The following USP28 variants were observed in gnomAD, a reference collection of about 807,000 sequenced individuals.
The protein encoded by USP28 is ubiquitin specific peptidase 28.
Under a neutral mutation model 145.0 loss-of-function variants are expected in USP28, and 113 were observed. The observed-to-expected ratio is 0.78, with a 90% CI of 0.67 to 0.91. The LOEUF is 0.91. Ranked by LOEUF, USP28 falls within the 40% of genes least tolerant of loss-of-function variation. The probability of loss-of-function intolerance (pLI) is 0.00; values close to 1 mark genes in which losing one functional copy is unlikely to be tolerated. For synonymous variants in USP28, 447 were observed against 450.9 expected, an observed-to-expected ratio of 0.99 and a Z score of 0.11; for missense variants, 1,201 against 1,289.6, an observed-to-expected ratio of 0.93 and a Z score of 1.05.
chr11:113,802,526 TC>T lies in USP28; in HGVS notation c.2862+631del, dbSNP rs142390685. Among the ~76,000 whole-genome samples the T allele has an allele frequency of 9.2e-3, 1,397 of 152,246 alleles. 20 individuals carry two copies. The highest frequency in any genetic ancestry group is 0.031 in the African/African-American group (1,273 of 41,528). On this transcript the variant is annotated intron_variant, in intron 23 of 24. Transcript: ENST00000003302. ...AAGGCAGGCCACCCCTTTACAGTTC[TC>T]CAAAGGACACACATCACATAAACCC...
At chr11:113,817,124 G>A (rs1304267037) in intron 13 of USP28, among the ~76,000 whole-genome samples, 1 of 152,120 alleles carries the variant, frequency 6.6e-6, no homozygotes, top group Non-Finnish European at 1.5e-5. Flanking sequence ...AAAGATTGTT[G>A]CACATGACTG....
At chr11:113,820,694 T>C (rs923639664) in intron 12 of USP28, among the ~76,000 whole-genome samples, 2 of 152,096 alleles carry the variant, frequency 1.3e-5, no homozygotes, top group Non-Finnish European at 2.9e-5. Flanking sequence ...ACACCAGAGA[T>C]GGAATTTCAA....
At chr11:113,803,761 T>C (rs758997845) in intron 22 of USP28, 37 bp downstream of exon 23, 40 of 1,562,734 alleles carry the variant, frequency 2.6e-5, no homozygotes, top group Non-Finnish European at 2.6e-6. Context: ...AACAGCATCC[T>C]GACTAATAAT....
intron 1 of USP28, chr11:113,874,719 C>A (rs760929415): frequency 8.4e-7 from 1 of 1,188,300 alleles, no homozygotes; most frequent in Non-Finnish European, 1.1e-6. Context: ...TTTCTTCATA[C>A]AGACATTAGC....
chr11:113,837,600 TAACA>T (rs1038588159), intron 5 of USP28, among the ~76,000 whole-genome samples: 5 of 152,246 alleles, frequency 3.3e-5, no homozygotes, highest in African/African-American at 1.2e-4. Context: ...CCTGGCTCCC[TAACA>T]ATCAGTTCCT....
rs200122208 is a variant in USP28, at chr11:113,829,175, C to A, written c.1059+22G>T. 9.1e-5 allele frequency: 146 copies of A among 1,607,888 alleles called. 1 individual carries two copies. The African/African-American group carries it at 1.8e-3, about 19-fold the overall frequency. On this transcript the variant is annotated intron_variant, in intron 10 of 24. Coordinates refer to ENST00000003302, the Ensembl canonical transcript of USP28. ...TTAACTGGCTTTGTCACTGGCACAGCAAATAAAGATCTCCAACGTACCTCT... is the reference window on the plus strand; with the variant it reads ...TTAACTGGCTTTGTCACTGGCACAGAAAATAAAGATCTCCAACGTACCTCT...
At position 113,823,175 on chromosome 11, in the gene USP28, C is replaced by T. The variant is rs142898885; in HGVS notation, c.1283+430G>A. Among the ~76,000 whole-genome samples, 148 of 152,238 alleles carry T rather than the reference C, an allele frequency of 9.7e-4. 2 individuals carry two copies. In the East Asian group the frequency reaches 0.025, roughly 26 times the overall value. ...CTTTGTATGCATCAGAAATATTAGC[C>T]CTTTTAATCAGTTAGCACTGCTCTA... On this transcript the variant is annotated intron_variant, in intron 12 of 24. Transcript: ENST00000003302.
At chr11:113,846,816 G>A (rs1316346917) in intron 3 of USP28, among the ~76,000 whole-genome samples, 2 of 152,110 alleles carry the variant, frequency 1.3e-5, no homozygotes, top group Admixed American at 6.6e-5. Context: ...CCAATATGGT[G>A]AAACCCAGTC....
At chr11:113,838,900 C>A (rs1432099731) in intron 5 of USP28, among the ~76,000 whole-genome samples, 2 of 152,148 alleles carry the variant, frequency 1.3e-5, no homozygotes, top group African/African-American at 4.8e-5. Flanking sequence ...CATTTTTTGG[C>A]TTGAGCAGCT....
intron 14 of USP28, 128 bp from the exon 15 acceptor site, chr11:113,814,083 A>G (rs1941372611): frequency 1.2e-5 from 8 of 643,420 alleles, no homozygotes; most frequent in Non-Finnish European, 2.1e-5. Flanking sequence ...TGAACCACGA[A>G]GCAATATACA....
chr11:113,837,579 T>C (rs981438765), intron 5 of USP28, among the ~76,000 whole-genome samples: 1 of 152,336 alleles, frequency 6.6e-6, no homozygotes, highest in Non-Finnish European at 1.5e-5. Context: ...CCCAAGCAAA[T>C]TGATCTCTTT....
At chr11:113,832,123 G>C in intron 7 of USP28, 130 bp from the exon 8 acceptor site, 2 of 836,374 alleles carry the variant, frequency 2.4e-6, no homozygotes, top group East Asian at 2.8e-5. Context: ...TTCTTTTTTT[G>C]TTTTGAGACA....
intron 1 of USP28, among the ~76,000 whole-genome samples, chr11:113,870,802 T>C (rs1948735413): frequency 1.3e-5 from 2 of 152,246 alleles, no homozygotes; most frequent in Non-Finnish European, 1.5e-5. Context: ...TTCCAAGTTT[T>C]GTATATTGAG....
chr11:113,801,784 G>A, intron 23 of USP28, 106 bp from the exon 25 acceptor site: 2 of 901,112 alleles, frequency 2.2e-6, no homozygotes, highest in Non-Finnish European at 3.2e-6. Flanking sequence ...CACATTGGAT[G>A]TACTTAGGGA....
chr11:113,862,788 AC>A (rs1318671697), intron 1 of USP28, among the ~76,000 whole-genome samples: 3 of 152,232 alleles, frequency 2.0e-5, no homozygotes, highest in Admixed American at 6.5e-5. Flanking sequence ...GAGAAAAAAA[AC>A]AATGGTCACC....
chr11:113,831,048 C>T (rs1342816960), intron 8 of USP28, 105 bp from the exon 9 acceptor site: 3 of 1,073,442 alleles, frequency 2.8e-6, no homozygotes, highest in African/African-American at 3.2e-5. Context: ...TTTCATCAAC[C>T]CCCAAAGAGC....
chr11:113,869,112 G>C (rs906800036), intron 1 of USP28, among the ~76,000 whole-genome samples: 1 of 151,928 alleles, frequency 6.6e-6, no homozygotes, highest in African/African-American at 2.4e-5. Flanking sequence ...GCAACACAGA[G>C]AGACCCCATT....
intron 3 of USP28, among the ~76,000 whole-genome samples, chr11:113,849,436 G>A (rs1946228794): frequency 6.6e-6 from 1 of 152,186 alleles, no homozygotes; most frequent in South Asian, 2.1e-4. Context: ...TTCTAGCAGT[G>A]ATGGAAGAAT....
chr11:113,826,075 G>A (rs990952613), intron 11 of USP28, among the ~76,000 whole-genome samples: 7 of 151,858 alleles, frequency 4.6e-5, no homozygotes, highest in Non-Finnish European at 7.4e-5. Context: ...ACAAGGTCAG[G>A]GGATTGAGAC....
Sources: gnomAD v4.1 joint callset for allele counts (sites outside exome capture counted in the v4.1 genomes callset) on GRCh38, gnomAD v4.1.1 for gene constraint, MANE v1.5 for transcripts, NCBI Gene and HGNC (gene_info 2026-07-23, HGNC 2026-07-21) for gene names.